The following NBPF15 variants were observed in gnomAD, a reference collection of about 807,000 sequenced individuals.
NBPF15 encodes NBPF member 15, also known as NBPF family member NBPF15.
Under a neutral mutation model 62.2 loss-of-function variants are expected in NBPF15, and 74 were observed. The ratio of observed to expected loss-of-function variants is 1.19; its 90% CI spans 0.99 to 1.44. The LOEUF (loss-of-function observed/expected upper bound fraction) is 1.44, where lower values mean the gene tolerates loss of function less well. Among genes scored for constraint, NBPF15 ranks in the 40% most tolerant of loss-of-function variants. NBPF15 has a pLI of 0.00. For synonymous variants in NBPF15, 244 were observed against 209.7 expected, an observed-to-expected ratio of 1.16 and a Z score of -1.41; for missense variants, 790 against 550.0, an observed-to-expected ratio of 1.44 and a Z score of -4.36.
chr1:144,428,932 C>G (rs1176491026), intron 14 of NBPF15, among the ~76,000 whole-genome samples: 4 of 152,042 alleles, frequency 2.6e-5, no homozygotes, highest in African/African-American at 4.8e-5. Flanking sequence ...AATTTTTTCC[C>G]CAATAAATTG....
rs782458171 is a variant in NBPF15 at position 144,426,399 on chromosome 1, T to C, written c.1317A>G (p.Ser439=). 6 of 821,684 alleles carry C rather than the reference T, an allele frequency of 7.3e-6. No individual in the cohort carries two copies. Among genetic ancestry groups the C allele is most frequent in the Admixed American group, 1.7e-5 (1 of 58,836 alleles). The allele number at this position is 821,684 out of a possible 1,614,324, so 50.9% of individuals were successfully genotyped here. Residue 439 remains serine, a synonymous_variant, in exon 18 of 22, where the codon TCA becomes TCG. Transcript: ENST00000581897. ...DEKEPEVLQD[S]LDRCYSTPSD... ...AAGGAGTCGAATAACATCTATCCAGTGAGTCCTGCAAGACTTCAGGCTCTT... is the reference window on the plus strand; with the variant it reads ...AAGGAGTCGAATAACATCTATCCAGCGAGTCCTGCAAGACTTCAGGCTCTT...
chr1:144,440,863 G>A (rs1571139538), intron 6 of NBPF15, among the ~76,000 whole-genome samples: 2 of 151,448 alleles, frequency 1.3e-5, no homozygotes, highest in East Asian at 3.9e-4. Context: ...TAGAGACGGG[G>A]TTTCACTGTG....
At chr1:144,453,662 A>AAAAAAAAG (rs1165682772) in intron 4 of NBPF15, among the ~76,000 whole-genome samples, 74 of 86,696 alleles carry the variant, frequency 8.5e-4, no homozygotes, top group Non-Finnish European at 1.4e-3. Flanking sequence ...AAAAAAAAAA[A>AAAAAAAAG]GTGAAACATC....
Position 144,423,000 on chromosome 1 carries a change from T to G in NBPF15, c.*13A>C, listed in dbSNP as rs782315595. 1.9e-6 allele frequency: 3 copies of G among 1,611,662 alleles called. No individual in the cohort carries two copies. The Admixed American group carries it at 5.0e-5, about 27-fold the overall frequency. ...CCTGCAGGAATGACATCTCTCGGCT[T>G]AGTAAGAGCTGCTTATTGTGGGAAT... On this transcript the variant is annotated 3_prime_UTR_variant, in exon 22 of 22. Transcript: ENST00000581897.
Position 144,428,630 on chromosome 1 carries a change from T to G in NBPF15, c.1016A>C (p.Glu339Ala). Residue 339 changes from glutamate (E) to alanine (A), a missense_variant, in exon 15 of 22, where the codon GAG becomes GCG. Glu to Ala is a moderately radical substitution (Grantham distance 107). Transcript: ENST00000581897. ...CCTGGGACCTGTTGCCTCTTGGTCCTCCTTTTTCACTTGATCCCACCGATG... is the reference window on the plus strand; with the variant it reads ...CCTGGGACCTGTTGCCTCTTGGTCCGCCTTTTTCACTTGATCCCACCGATG... ...GRHRWDQVKKEDQEATGPRLS... is the reference protein window; with the variant it reads ...GRHRWDQVKKADQEATGPRLS... The G allele has an allele frequency of 1.1e-6, 1 of 933,650 alleles. No homozygotes were observed. The highest frequency in any genetic ancestry group is 1.3e-5 in the South Asian group (1 of 78,298). 57.8% of individuals were successfully genotyped at this position (933,650 alleles called of 1,614,324 possible).
intron 13 of NBPF15, among the ~76,000 whole-genome samples, chr1:144,433,522 GA>G (rs1676035039): frequency 7.0e-6 from 1 of 143,188 alleles, no homozygotes; most frequent in Non-Finnish European, 1.5e-5. Context: ...CTGGTTTTTT[GA>G]AAAGATCAAC....
At chr1:144,453,315 G>A (rs1275935358) in intron 4 of NBPF15, among the ~76,000 whole-genome samples, 4 of 151,814 alleles carry the variant, frequency 2.6e-5, no homozygotes, top group African/African-American at 9.7e-5. Flanking sequence ...AGGTATGCAT[G>A]TTATACCCTT....
At chr1:144,425,094 A>C (rs1183722620) in intron 19 of NBPF15, among the ~76,000 whole-genome samples, 42 of 145,572 alleles carry the variant, frequency 2.9e-4, no homozygotes, top group African/African-American at 1.1e-3. Flanking sequence ...ACACACACAC[A>C]CACACACACA....
At chr1:144,427,207 T>C in intron 16 of NBPF15, 109 bp from the exon 17 acceptor site, 1 of 660,792 alleles carries the variant, frequency 1.5e-6, no homozygotes, top group East Asian at 2.6e-5. Context: ...AGCATGAGAA[T>C]AGGACACTGT....
intron 21 of NBPF15, 100 bp from the exon 22 acceptor site, chr1:144,423,356 A>T (rs1667113272): frequency 1.2e-6 from 2 of 1,604,666 alleles, no homozygotes; most frequent in South Asian, 1.1e-5. Flanking sequence ...GTTAGAAAAG[A>T]AAAAGGATAG....
chr1:144,438,773 G>A (rs1680595083), intron 8 of NBPF15, among the ~76,000 whole-genome samples: 1 of 151,872 alleles, frequency 6.6e-6, no homozygotes, highest in Non-Finnish European at 1.5e-5. Context: ...CTCTGAACAG[G>A]TGAGGAAACT....
chr1:144,447,186 A>G (rs1172264854), intron 6 of NBPF15, among the ~76,000 whole-genome samples: 2 of 152,282 alleles, frequency 1.3e-5, no homozygotes, highest in Non-Finnish European at 2.9e-5. Flanking sequence ...ATCTCCCGCC[A>G]TGACCTCCAG....
At chr1:144,436,361 G>A (rs1424492422) in intron 10 of NBPF15, among the ~76,000 whole-genome samples, 26 of 151,812 alleles carry the variant, frequency 1.7e-4, no homozygotes, top group African/African-American at 5.8e-4. Context: ...ACCACAAAAC[G>A]CCCCCACATA....
At chr1:144,453,411 G>T (rs1553545970) in intron 4 of NBPF15, among the ~76,000 whole-genome samples, 1 of 151,678 alleles carries the variant, frequency 6.6e-6, no homozygotes, top group African/African-American at 2.4e-5. Context: ...GAGGGATCCT[G>T]GGTTCAATGA....
At position 144,422,142 on chromosome 1, in the gene NBPF15, TCTC is replaced by T. The variant is rs1666376275; in HGVS notation, c.*868_*870del. 1 of 125,214 alleles carries T rather than the reference TCTC, an allele frequency of 8.0e-6. No individual in the cohort carries two copies. The highest frequency in any genetic ancestry group is 3.9e-5 in the African/African-American group (1 of 25,706). 7.8% of individuals were successfully genotyped at this position (125,214 alleles called of 1,614,324 possible). Reference sequence around the variant, plus strand: ...CTTTTTTTGAACCCAAAATATCTCTTCTCCTTTTTGTTGTGTGATTTGTGGTGA... The same window carrying T: ...CTTTTTTTGAACCCAAAATATCTCTTCTTTTTGTTGTGTGATTTGTGGTGA... On this transcript the variant is annotated 3_prime_UTR_variant, in exon 22 of 22. Transcript: ENST00000581897.
chr1:144,428,978 C>T (rs1672149386), intron 14 of NBPF15, among the ~76,000 whole-genome samples: 1 of 151,926 alleles, frequency 6.6e-6, no homozygotes, highest in South Asian at 2.1e-4. Flanking sequence ...AGGAGAGATA[C>T]TTCAATATTA....
In NBPF15 at chr1:144,444,878, G is replaced by T. The variant is rs1426728679; in HGVS notation, c.-191+3897C>A. 6.6e-5 allele frequency among the ~76,000 whole-genome samples: 10 copies of T among 151,978 alleles called. 1 individual carries two copies. The highest frequency in any genetic ancestry group is 2.2e-4 in the African/African-American group (9 of 41,374). Reference sequence around the variant, plus strand: ...ATACAGATCATTGTGCAGACACAGTGTGTAAATTCCTAGGAAGGGAATGAC... The same window carrying T: ...ATACAGATCATTGTGCAGACACAGTTTGTAAATTCCTAGGAAGGGAATGAC... On this transcript the variant is annotated intron_variant, in intron 6 of 21. Coordinates refer to ENST00000581897, the MANE Select transcript of NBPF15 (RefSeq NM_001385408.1).
At chr1:144,423,481 G>C (rs1402329858) in intron 21 of NBPF15, among the ~76,000 whole-genome samples, 1 of 151,974 alleles carries the variant, frequency 6.6e-6, no homozygotes, top group Non-Finnish European at 1.5e-5. Context: ...GACAGAGACA[G>C]AGAGAAAGTG....
chr1:144,455,274 AG>A (rs1222566543), intron 4 of NBPF15, among the ~76,000 whole-genome samples: 2 of 150,090 alleles, frequency 1.3e-5, no homozygotes, highest in Non-Finnish European at 3.0e-5. Context: ...TAGGGAAGGG[AG>A]AGAAGTAGGG....
Sources: gnomAD v4.1 joint callset for allele counts (sites outside exome capture counted in the v4.1 genomes callset) on GRCh38, gnomAD v4.1.1 for gene constraint, MANE v1.5 for transcripts, NCBI Gene and HGNC (gene_info 2026-07-23, HGNC 2026-07-21) for gene names.